CTBP2: variants seen among roughly 807,000 people sequenced by gnomAD.
The protein encoded by CTBP2 is C-terminal-binding protein 2.
Under a neutral mutation model 80.3 loss-of-function variants are expected in CTBP2, and 30 were observed. That is an observed-to-expected ratio of 0.37 (90% CI 0.28 to 0.51). CTBP2 has a LOEUF of 0.51. Among genes scored for constraint, CTBP2 ranks in the 20% least tolerant of loss-of-function variants. The pLI, the probability that CTBP2 is intolerant of heterozygous loss-of-function variation, is 0.93. For missense variants in CTBP2, 1,212 were observed against 1,375.3 expected (o/e 0.88, Z 1.88); for synonymous variants, 594 against 587.4 (o/e 1.01, Z -0.16).
chr10:125,105,857 T>C (rs897510641), intron 2 of CTBP2, among the ~76,000 whole-genome samples: 2 of 152,222 alleles, frequency 1.3e-5, no homozygotes, highest in Non-Finnish European at 2.9e-5. Context: ...GAAAGCTCAC[T>C]TCCCTGCCTA....
At chr10:125,133,386 C>T (rs1246909010) in intron 1 of CTBP2, 2 of 152,270 alleles carry the variant, frequency 1.3e-5, no homozygotes, top group Non-Finnish European at 1.5e-5. Context: ...GTCTCAATCC[C>T]ATCGTGCCCT....
intron 1 of CTBP2, among the ~76,000 whole-genome samples, chr10:125,151,666 G>A (rs1859906199): frequency 6.6e-6 from 1 of 152,254 alleles, no homozygotes. Flanking sequence ...GACCGCTGCG[G>A]GGTGGAGGCG....
rs1951994536 is a variant in CTBP2, at chr10:124,984,716, C to T, written c.*4802G>A. 6.5e-7 allele frequency: 1 copy of T among 1,544,924 alleles called. No homozygotes were observed. Among genetic ancestry groups the T allele is most frequent in the African/African-American group, 1.4e-5 (1 of 73,226 alleles). ...AGCTGTAGGTTTCCATGTCACATTC[C>T]TACCAAGTCTCTGATCTGTTGTATG... On this transcript the variant is annotated 3_prime_UTR_variant, in exon 9 of 9. Transcript: ENST00000309035.
chr10:125,161,695 CA>C (rs1221716659), upstream of CTBP2, among the ~76,000 whole-genome samples: 27 of 149,832 alleles, frequency 1.8e-4, no homozygotes, highest in Non-Finnish European at 3.6e-4. Flanking sequence ...CTAAAAGAAG[CA>C]AAACATTCTT....
At chr10:125,156,049 G>A (rs1860860888) in intron 1 of CTBP2, among the ~76,000 whole-genome samples, 1 of 152,090 alleles carries the variant, frequency 6.6e-6, no homozygotes, top group African/African-American at 2.4e-5. Flanking sequence ...CTTCCATTAA[G>A]TACAAATACT....
At chr10:125,065,887 C>A (rs1303233199) in intron 2 of CTBP2, among the ~76,000 whole-genome samples, 1 of 152,054 alleles carries the variant, frequency 6.6e-6, no homozygotes, top group Non-Finnish European at 1.5e-5. Flanking sequence ...ATAGCTTGAG[C>A]CTAGGATAGC....
intron 2 of CTBP2, among the ~76,000 whole-genome samples, chr10:125,063,177 A>T (rs1239397237): frequency 3.3e-5 from 5 of 152,248 alleles, no homozygotes; most frequent in Admixed American, 2.6e-4. Flanking sequence ...GAACAATGGG[A>T]AAATTATCAC....
chr10:125,067,153 C>A (rs754881394), intron 2 of CTBP2, among the ~76,000 whole-genome samples: 1 of 152,108 alleles, frequency 6.6e-6, no homozygotes, highest in Non-Finnish European at 1.5e-5. Context: ...TCTGTGAAAC[C>A]CATAACCCAG....
At chr10:125,054,988 T>C (rs944501973) in intron 2 of CTBP2, among the ~76,000 whole-genome samples, 2 of 152,262 alleles carry the variant, frequency 1.3e-5, no homozygotes, top group East Asian at 3.9e-4. Context: ...ACGCTCAACA[T>C]GCACAGAGTT....
chr10:125,158,939 G>A lies in CTBP2; in HGVS notation c.-206+1380C>T, dbSNP rs544978826. Reference sequence around the variant, plus strand: ...GCGCGTGTGTGTCTCGGCGCGGCCCGCGGTGACCGAGCTGAGCTCTTGGGC... The same window carrying A: ...GCGCGTGTGTGTCTCGGCGCGGCCCACGGTGACCGAGCTGAGCTCTTGGGC... On this transcript the variant is annotated intron_variant, in intron 1 of 10. Coordinates refer to the CTBP2 transcript ENST00000337195. 2.0e-5 allele frequency among the ~76,000 whole-genome samples: 3 copies of A among 152,042 alleles called. No homozygotes were observed. The East Asian group carries it at 5.9e-4, about 30-fold the overall frequency.
At chr10:125,148,202 G>A (rs1233043429) in intron 1 of CTBP2, among the ~76,000 whole-genome samples, 1 of 152,156 alleles carries the variant, frequency 6.6e-6, no homozygotes, top group Non-Finnish European at 1.5e-5. Context: ...CCTTCCAGTG[G>A]GACCTCTCTG....
chr10:125,103,393 C>A (rs1850939519), intron 2 of CTBP2, among the ~76,000 whole-genome samples: 1 of 152,250 alleles, frequency 6.6e-6, no homozygotes, highest in Admixed American at 6.5e-5. Flanking sequence ...GGAAATCACT[C>A]TGGAAGGTTC....
intron 3 of CTBP2, among the ~76,000 whole-genome samples, chr10:125,037,065 T>G (rs1297693472): frequency 1.3e-5 from 2 of 152,164 alleles, no homozygotes; most frequent in Non-Finnish European, 2.9e-5. Flanking sequence ...TATTGAGAAA[T>G]TTAAAATATA....
At chr10:125,090,137 A>G (rs750055159) in intron 2 of CTBP2, among the ~76,000 whole-genome samples, 20 of 152,038 alleles carry the variant, frequency 1.3e-4, no homozygotes, top group African/African-American at 4.8e-4. Context: ...TCCTCTAAAA[A>G]CAGAATTGCT....
At chr10:125,047,403 T>C in intron 2 of CTBP2, among the ~76,000 whole-genome samples, 1 of 152,246 alleles carries the variant, frequency 6.6e-6, no homozygotes, top group Non-Finnish European at 1.5e-5. Flanking sequence ...ACTCATCTTT[T>C]GTTACATACA....
At chr10:125,087,477 A>T (rs1848166520) in intron 2 of CTBP2, among the ~76,000 whole-genome samples, 1 of 152,138 alleles carries the variant, frequency 6.6e-6, no homozygotes, top group Non-Finnish European at 1.5e-5. Context: ...ATGAGGACGA[A>T]TGTCCACACC....
At chr10:125,103,230 AT>A (rs1225060040) in intron 2 of CTBP2, among the ~76,000 whole-genome samples, 3 of 152,056 alleles carry the variant, frequency 2.0e-5, no homozygotes, top group African/African-American at 4.8e-5. Flanking sequence ...GCGCTCCTAC[AT>A]GTGCCCAGCC....
intron 1 of CTBP2, among the ~76,000 whole-genome samples, chr10:125,016,288 C>T (rs970734773): frequency 3.9e-5 from 6 of 152,202 alleles, no homozygotes; most frequent in African/African-American, 1.2e-4. Context: ...TGCCAAGTTC[C>T]AGGGGCCACC....
Position 124,998,011 on chromosome 10 carries a change from G to C in CTBP2, c.2138C>G (p.Ser713Trp). ...CTCCCCACGGATGCGGGCCGCTCCC[G>C]AGGCCACCTCGCGGATCTGCTCCAC... is the stretch of plus-strand genomic sequence containing the variant. Residue 713 changes from serine to tryptophan, a missense_variant, in exon 4 of 9, where the codon TCG becomes TGG. Physicochemically the swap from Ser to Trp is radical, Grantham distance 177. Around this residue, in one of 3 missense-constraint regions of CTBP2, gnomAD observed 335 missense variants for 504.7 expected, o/e 0.66. Coordinates refer to ENST00000309035, the MANE Select transcript of CTBP2 (RefSeq NM_022802.3). 1 of 1,613,178 alleles carries C rather than the reference G, an allele frequency of 6.2e-7. No individual in the cohort carries two copies. The highest frequency in any genetic ancestry group is 8.5e-7 in the Non-Finnish European group (1 of 1,179,982).
Sources: gnomAD v4.1 joint callset for allele counts (sites outside exome capture counted in the v4.1 genomes callset) on GRCh38, gnomAD v4.1.1 for gene constraint, gnomAD v4.1.1 regional missense constraint, MANE v1.5 for transcripts, NCBI Gene and HGNC (gene_info 2026-07-23, HGNC 2026-07-21) for gene names.